Variants in TRERF1 observed in about 807,000 individuals in gnomAD.
TRERF1 encodes transcriptional regulating factor 1.
A neutral mutation model predicts 122.9 loss-of-function variants in TRERF1; 27 were observed. That is an observed-to-expected ratio of 0.22 (90% CI 0.16 to 0.30). The LOEUF is 0.30. TRERF1 is among the 10% of genes least tolerant of loss of function. The pLI, the probability that TRERF1 is intolerant of heterozygous loss-of-function variation, is 1.00. For synonymous variants in TRERF1, 636 were observed against 641.7 expected, an observed-to-expected ratio of 0.99 and a Z score of 0.13; for missense variants, 1,248 against 1,560.3, an observed-to-expected ratio of 0.80 and a Z score of 3.37.
Position 42,268,988 on chromosome 6 carries a change from G to C in TRERF1, c.603C>G (p.Tyr201Ter). The stretch of plus-strand genomic sequence containing the variant: ...GGTGAGGCTGCTGGGGCACCTGCTG[G>C]TAGCGGGAAGGGATAGCCGGTGCTG... The change falls in exon 5 of 18, where the codon TAC becomes TAG. Residue 201 changes from tyrosine (Y) to a stop codon, truncating the protein, a stop_gained. Coordinates refer to ENST00000372922, the Ensembl canonical transcript of TRERF1. LOFTEE classifies it high-confidence loss of function. The surrounding 1 kb of genome is among the most constrained non-coding windows in gnomAD (Gnocchi z 4.4). 6.2e-7 allele frequency: 1 copy of C among 1,612,554 alleles called. No homozygotes were observed. The highest frequency in any genetic ancestry group is 8.5e-7 in the Non-Finnish European group (1 of 1,178,784).
chr6:42,332,917 G>A (rs75001378), intron 3 of TRERF1, among the ~76,000 whole-genome samples: 1 of 152,120 alleles, frequency 6.6e-6, no homozygotes, highest in African/African-American at 2.4e-5. Flanking sequence ...GGAAAGGAGA[G>A]GAAACTGGCC....
intron 4 of TRERF1, among the ~76,000 whole-genome samples, chr6:42,285,812 C>T (rs534247249): frequency 2.6e-5 from 4 of 151,560 alleles, no homozygotes; most frequent in African/African-American, 9.7e-5. Flanking sequence ...CATATGGAAC[C>T]AAAAAAGAGC....
At chr6:42,262,233 A>C (rs945909654) in intron 8 of TRERF1, among the ~76,000 whole-genome samples, 2 of 151,870 alleles carry the variant, frequency 1.3e-5, no homozygotes, top group Admixed American at 1.3e-4. Flanking sequence ...ACTTGATATT[A>C]CACCATAAAG....
chr6:42,447,471 G>A (rs760900871), intron 2 of TRERF1, among the ~76,000 whole-genome samples: 10 of 152,180 alleles, frequency 6.6e-5, no homozygotes, highest in South Asian at 2.1e-4. Context: ...TCAACTATTC[G>A]TTAGTTCTCC....
chr6:42,366,834 G>A (rs1454066699), intron 2 of TRERF1, among the ~76,000 whole-genome samples: 1 of 152,200 alleles, frequency 6.6e-6, no homozygotes, highest in Non-Finnish European at 1.5e-5. Context: ...CCTGGGAAAG[G>A]TGAAAATCAG....
chr6:42,444,603 A>G (rs1053007975), intron 2 of TRERF1, among the ~76,000 whole-genome samples: 2 of 152,076 alleles, frequency 1.3e-5, no homozygotes, highest in African/African-American at 4.8e-5. Context: ...GTCATGATGG[A>G]GCAAGTTCCT....
chr6:42,316,571 C>T (rs1762541458), intron 3 of TRERF1, among the ~76,000 whole-genome samples: 1 of 152,220 alleles, frequency 6.6e-6, no homozygotes. Context: ...TCCATCTTGC[C>T]TCTAGCCTCA....
intron 2 of TRERF1, among the ~76,000 whole-genome samples, chr6:42,368,095 A>G (rs1275742886): frequency 6.6e-6 from 1 of 152,170 alleles, no homozygotes; most frequent in African/African-American, 2.4e-5. Flanking sequence ...CATCTCAAGT[A>G]GAGGACAAAC....
At chr6:42,347,270 A>C (rs150597685) in intron 3 of TRERF1, among the ~76,000 whole-genome samples, 1 of 152,314 alleles carries the variant, frequency 6.6e-6, no homozygotes, top group African/African-American at 2.4e-5. Context: ...AGGCTCTAAG[A>C]GAGTACTCCA....
intron 4 of TRERF1, among the ~76,000 whole-genome samples, chr6:42,270,354 T>C (rs1003013947): frequency 1.3e-5 from 2 of 152,254 alleles, no homozygotes; most frequent in Non-Finnish European, 2.9e-5. Context: ...CAGTAGTTCA[T>C]TGATTTGTTA....
Position 42,410,198 on chromosome 6 carries a change from G to A in TRERF1, c.-454+40979C>T, listed in dbSNP as rs75079856. The stretch of plus-strand genomic sequence containing the variant: ...ACTCTGTCACCTAAGCTGGAGTGCT[G>A]TGGCATGATCAGGGCTCACAGAGTC... On this transcript the variant is annotated intron_variant, in intron 2 of 17. Coordinates refer to ENST00000372922, the Ensembl canonical transcript of TRERF1. 8.1e-3 allele frequency among the ~76,000 whole-genome samples: 1,230 copies of A among 152,268 alleles called. 15 individuals carry two copies. The highest frequency in any genetic ancestry group is 0.028 in the African/African-American group (1,181 of 41,538).
chr6:42,408,442 G>A (rs1170866835), intron 2 of TRERF1, among the ~76,000 whole-genome samples: 2 of 143,840 alleles, frequency 1.4e-5, no homozygotes, highest in African/African-American at 5.2e-5. Flanking sequence ...GCAGTGGCGT[G>A]ATCTCGGCTC....
At chr6:42,447,596 A>G (rs1308767261) in intron 2 of TRERF1, among the ~76,000 whole-genome samples, 1 of 152,242 alleles carries the variant, frequency 6.6e-6, no homozygotes, top group Admixed American at 6.5e-5. Flanking sequence ...ATGAGGTCGG[A>G]AATAAAATGA....
Position 42,269,042 on chromosome 6 carries a change from C to A in TRERF1, c.549G>T (p.Gln183His), listed in dbSNP as rs201218405. 11 of 1,614,134 alleles carry A rather than the reference C, an allele frequency of 6.8e-6. No homozygotes were observed. In the Admixed American group the frequency reaches 1.5e-4, roughly 22 times the overall value. ...GCTCCATGGGCTTCTGAGACAGCAG[C>A]TGGCGGAGAGCACTGTCAGGGGCTC... Residue 183 changes from glutamine to histidine, a missense_variant, in exon 5 of 18, where the codon CAG becomes CAT. Coordinates refer to ENST00000372922, the Ensembl canonical transcript of TRERF1. This position sits in a 1 kb window ranked among gnomAD's most constrained non-coding sequence, Gnocchi z 4.9.
At chr6:42,244,168 C>T (rs1229101199) in intron 14 of TRERF1, among the ~76,000 whole-genome samples, 2 of 150,560 alleles carry the variant, frequency 1.3e-5, no homozygotes, top group East Asian at 2.0e-4. Context: ...GGCATTGAGT[C>T]ACAACACCCA....
At chr6:42,261,186 G>A (rs551582356) in intron 8 of TRERF1, among the ~76,000 whole-genome samples, 5 of 152,312 alleles carry the variant, frequency 3.3e-5, no homozygotes, top group Non-Finnish European at 4.4e-5. Flanking sequence ...CCCCCCCAAG[G>A]GGAGCAGCCC....
At chr6:42,372,145 G>A (rs1320637555) in intron 2 of TRERF1, among the ~76,000 whole-genome samples, 1 of 152,168 alleles carries the variant, frequency 6.6e-6, no homozygotes, top group Admixed American at 6.5e-5. Context: ...TCAAGCCACT[G>A]CACTCCAGCC....
In TRERF1 at chr6:42,385,297, A is replaced by C. The variant is rs1366911281; in HGVS notation, c.-453-22218T>G. On this transcript the variant is annotated intron_variant, in intron 2 of 17. Transcript: ENST00000372922. ...CGACCTGATCCTGGTTTTCTGATTC[A>C]AAAGTAGGATGATCAACATAACAAG... is the stretch of plus-strand genomic sequence containing the variant. Among the ~76,000 whole-genome samples the C allele has an allele frequency of 2.6e-5, 4 of 152,090 alleles. No homozygotes were observed. The East Asian group carries it at 7.7e-4, about 29-fold the overall frequency.
At chr6:42,407,944 A>G (rs1453184911) in intron 2 of TRERF1, among the ~76,000 whole-genome samples, 1 of 151,228 alleles carries the variant, frequency 6.6e-6, no homozygotes, top group Non-Finnish European at 1.5e-5. Flanking sequence ...TCTCCACTGT[A>G]TTGTTTTCAC....
Sources: gnomAD v4.1 joint callset for allele counts (sites outside exome capture counted in the v4.1 genomes callset) on GRCh38, gnomAD v4.1.1 for gene constraint, Gnocchi (gnomAD v3.1) non-coding constraint, MANE v1.5 for transcripts, NCBI Gene and HGNC (gene_info 2026-07-23, HGNC 2026-07-21) for gene names.